Variants in CDIN1 observed in about 807,000 individuals in gnomAD.
The protein encoded by CDIN1 is CDAN1 interacting nuclease 1.
Under a neutral mutation model 45.3 loss-of-function variants are expected in CDIN1, and 33 were observed. That is an observed-to-expected ratio of 0.73 (90% CI 0.55 to 0.97). The LOEUF is 0.97. Ranked by LOEUF, CDIN1 falls within the 50% of genes least tolerant of loss-of-function variation. The pLI, the probability that CDIN1 is intolerant of heterozygous loss-of-function variation, is 0.00. For synonymous variants in CDIN1, 118 were observed against 124.4 expected, an observed-to-expected ratio of 0.95 and a Z score of 0.34; for missense variants, 303 against 339.4, an observed-to-expected ratio of 0.89 and a Z score of 0.84.
chr15:36,719,049 C>A (rs2043316424), intron 10 of CDIN1, among the ~76,000 whole-genome samples: 1 of 151,288 alleles, frequency 6.6e-6, no homozygotes, highest in South Asian at 2.1e-4. Flanking sequence ...CATAGTGAGA[C>A]CCTGTTTCTA....
At chr15:36,620,813 A>T (rs1179855450) in intron 1 of CDIN1, among the ~76,000 whole-genome samples, 2 of 147,864 alleles carry the variant, frequency 1.4e-5, no homozygotes, top group African/African-American at 5.0e-5. Context: ...TTGGGGGGGG[A>T]CTTATTTCTG....
chr15:36,762,086 T>C (rs2141000169), intron 10 of CDIN1, among the ~76,000 whole-genome samples: 1 of 152,156 alleles, frequency 6.6e-6, no homozygotes, highest in Non-Finnish European at 1.5e-5. Context: ...ATCTAGAGAG[T>C]AAATTAAAAA....
chr15:36,640,619 A>G lies in CDIN1; in HGVS notation c.102-3659A>G, dbSNP rs937301462. On this transcript the variant is annotated intron_variant, in intron 1 of 10. Transcript: ENST00000566621. The stretch of plus-strand genomic sequence containing the variant: ...GTCTTTTTCAGAGATTGCATACTCA[A>G]GAAGAGGAGGAACATAAAATACGTG... The G allele has an allele frequency of 2.9e-5, 29 of 985,240 alleles. No homozygotes were observed. In the African/African-American group the frequency reaches 4.2e-4, roughly 14 times the overall value. 61.0% of individuals were successfully genotyped at this position (985,240 alleles called of 1,614,324 possible).
intron 5 of CDIN1, among the ~76,000 whole-genome samples, chr15:36,671,864 C>T (rs111781986): frequency 3.4e-4 from 51 of 152,144 alleles, no homozygotes; most frequent in African/African-American, 1.2e-3. Flanking sequence ...GTGTTGTGTG[C>T]AGTCATGTAA....
intron 1 of CDIN1, chr15:36,617,924 A>G (rs1040893827): frequency 2.6e-6 from 2 of 764,852 alleles, no homozygotes; most frequent in South Asian, 2.7e-5. Context: ...ATTTTTTGCT[A>G]AGAATTGTTA....
intron 5 of CDIN1, among the ~76,000 whole-genome samples, chr15:36,678,390 C>T (rs953135017): frequency 1.3e-5 from 2 of 152,178 alleles, no homozygotes; most frequent in African/African-American, 4.8e-5. Flanking sequence ...AGATGAAATA[C>T]TAATTGGTAT....
intron 1 of CDIN1, among the ~76,000 whole-genome samples, chr15:36,632,070 A>G (rs1211617370): frequency 2.0e-5 from 3 of 152,170 alleles, no homozygotes; most frequent in Admixed American, 1.3e-4. Flanking sequence ...CCTCAGCTCA[A>G]GTGATTCTCC....
At chr15:36,754,698 G>A (rs2053563367) in intron 10 of CDIN1, among the ~76,000 whole-genome samples, 1 of 151,744 alleles carries the variant, frequency 6.6e-6, no homozygotes, top group Non-Finnish European at 1.5e-5. Context: ...TATTTGAAAA[G>A]GCCATAAAGA....
chr15:36,600,233 G>A (rs533993831), intron 1 of CDIN1, among the ~76,000 whole-genome samples: 2 of 152,292 alleles, frequency 1.3e-5, no homozygotes, highest in South Asian at 4.1e-4. Context: ...AGAAAAACTG[G>A]CAGATGCTTT....
At chr15:36,613,381 C>T in intron 1 of CDIN1, 1 of 932,364 alleles carries the variant, frequency 1.1e-6, no homozygotes, top group South Asian at 1.4e-5. Flanking sequence ...AAAAGGATTC[C>T]TTGTCTTAAG....
chr15:36,707,334 GAGAA>G (rs1334422154), intron 8 of CDIN1: 2 of 152,070 alleles, frequency 1.3e-5, no homozygotes, highest in East Asian at 1.9e-4. Context: ...ATGTGAGAGA[GAGAA>G]AGAGAGAGAG....
At chr15:36,760,860 T>C (rs950647990) in intron 10 of CDIN1, among the ~76,000 whole-genome samples, 7 of 152,222 alleles carry the variant, frequency 4.6e-5, no homozygotes, top group Admixed American at 3.9e-4. Context: ...TGGTTACATA[T>C]TTGTAAACTG....
At chr15:36,643,643 C>T (rs1289852666) in intron 1 of CDIN1, among the ~76,000 whole-genome samples, 5 of 152,134 alleles carry the variant, frequency 3.3e-5, no homozygotes, top group Admixed American at 3.3e-4. Flanking sequence ...TGCTTCATTG[C>T]CAGGTGTTTG....
At chr15:36,795,802 A>T (rs2054779980) in intron 10 of CDIN1, among the ~76,000 whole-genome samples, 2 of 152,116 alleles carry the variant, frequency 1.3e-5, no homozygotes, top group African/African-American at 4.8e-5. Flanking sequence ...TCCTGGGCCC[A>T]AGCAATCTTC....
At chr15:36,680,172 C>T (rs2041800399) in intron 5 of CDIN1, among the ~76,000 whole-genome samples, 1 of 152,152 alleles carries the variant, frequency 6.6e-6, no homozygotes, top group African/African-American at 2.4e-5. Flanking sequence ...TCTCCCTTTT[C>T]CCTGGCTTCC....
chr15:36,750,409 G>C (rs1346917913), intron 10 of CDIN1, among the ~76,000 whole-genome samples: 2 of 152,142 alleles, frequency 1.3e-5, no homozygotes, highest in East Asian at 3.9e-4. Context: ...TTAATGGATA[G>C]GAAAGCAAAG....
intron 1 of CDIN1, among the ~76,000 whole-genome samples, chr15:36,616,206 T>C (rs762951381): frequency 6.6e-6 from 1 of 152,170 alleles, no homozygotes; most frequent in Non-Finnish European, 1.5e-5. Context: ...CATGTTAAGT[T>C]TTTAGAGGCT....
chr15:36,756,703 C>T (rs1367042793), intron 10 of CDIN1, among the ~76,000 whole-genome samples: 1 of 152,188 alleles, frequency 6.6e-6, no homozygotes, highest in Non-Finnish European at 1.5e-5. Flanking sequence ...GTGCATTTAT[C>T]GAATTGTTTA....
intron 1 of CDIN1, among the ~76,000 whole-genome samples, chr15:36,584,494 T>G (rs2037198406): frequency 6.6e-6 from 1 of 152,238 alleles, no homozygotes; most frequent in Non-Finnish European, 1.5e-5. Flanking sequence ...TGAGCACTTG[T>G]GTACTGCATC....
Sources: gnomAD v4.1 joint callset for allele counts (sites outside exome capture counted in the v4.1 genomes callset) on GRCh38, gnomAD v4.1.1 for gene constraint, MANE v1.5 for transcripts, NCBI Gene and HGNC (gene_info 2026-07-23, HGNC 2026-07-21) for gene names.